ARHGAP6: variants seen among roughly 807,000 people sequenced by gnomAD.
ARHGAP6 encodes Rho GTPase activating protein 6, also known as rho GTPase-activating protein 6.
Under a neutral mutation model 55.7 loss-of-function variants are expected in ARHGAP6, and 16 were observed. The observed-to-expected ratio is 0.29, with a 90% CI of 0.19 to 0.44. ARHGAP6 has a LOEUF of 0.44. Among genes scored for constraint, ARHGAP6 ranks in the 20% least tolerant of loss-of-function variants. The pLI is 1.00. For synonymous variants in ARHGAP6, 382 were observed against 360.9 expected, an observed-to-expected ratio of 1.06 and a Z score of -0.66; for missense variants, 698 against 808.9, an observed-to-expected ratio of 0.86 and a Z score of 1.66.
At chrX:11,649,427 G>A (rs1287444869) in intron 1 of ARHGAP6, among the ~76,000 whole-genome samples, 1 of 111,908 alleles carries the variant, frequency 8.9e-6, no homozygotes, top group African/African-American at 3.2e-5. Flanking sequence ...ACTAAAACAT[G>A]GGTAGATCAT....
At chrX:11,554,804 C>T (rs1001107996) in intron 1 of ARHGAP6, among the ~76,000 whole-genome samples, 1 of 111,933 alleles carries the variant, frequency 8.9e-6, no homozygotes, top group Non-Finnish European at 1.9e-5. Context: ...TATAATCTCT[C>T]CCCCCATAGA....
At chrX:11,463,999 G>T (rs1015920282) in intron 1 of ARHGAP6, among the ~76,000 whole-genome samples, 13 of 112,221 alleles carry the variant, frequency 1.2e-4, no homozygotes, top group African/African-American at 3.9e-4. Context: ...AGGTAAATGT[G>T]AAGTCACTAT....
chrX:11,257,573 G>A (rs2047508366), intron 1 of ARHGAP6, among the ~76,000 whole-genome samples: 1 of 112,246 alleles, frequency 8.9e-6, no homozygotes, highest in Non-Finnish European at 1.9e-5. Context: ...GTAATTCCTA[G>A]AAGGGACATT....
At chrX:11,174,608 CTT>C (rs1205722590) in intron 8 of ARHGAP6, among the ~76,000 whole-genome samples, 3 of 87,751 alleles carry the variant, frequency 3.4e-5, no homozygotes, top group East Asian at 3.5e-4. Flanking sequence ...TTCTTTCTTT[CTT>C]TCTTTCTCTT....
chrX:11,468,785 C>T (rs1791383286), intron 1 of ARHGAP6, among the ~76,000 whole-genome samples: 1 of 112,236 alleles, frequency 8.9e-6, no homozygotes, highest in South Asian at 3.7e-4. Flanking sequence ...GGGAAAGCCA[C>T]AAAAATGTAG....
At chrX:11,146,560 ATATACT>A (rs2045694818) in intron 10 of ARHGAP6, among the ~76,000 whole-genome samples, 1 of 112,857 alleles carries the variant, frequency 8.9e-6, no homozygotes, top group Admixed American at 9.3e-5. Flanking sequence ...AGTTTGGGAA[ATATACT>A]TATGTGAAAT....
At chrX:11,663,281 TATTTC>T (rs1369405968) in intron 1 of ARHGAP6, among the ~76,000 whole-genome samples, 6 of 112,194 alleles carry the variant, frequency 5.3e-5, no homozygotes, top group Admixed American at 3.8e-4. Context: ...AATTACATGG[TATTTC>T]ATTTCATTTC....
intron 1 of ARHGAP6, among the ~76,000 whole-genome samples, chrX:11,514,818 T>C (rs1487190057): frequency 9.5e-6 from 1 of 105,244 alleles, no homozygotes; most frequent in Non-Finnish European, 1.9e-5. Context: ...TATTGCCCTC[T>C]TCACCTTTGT....
chrX:11,311,058 C>T (rs978289077), intron 1 of ARHGAP6, among the ~76,000 whole-genome samples: 7 of 111,449 alleles, frequency 6.3e-5, no homozygotes, highest in African/African-American at 2.3e-4. Context: ...CTGCCTTTTT[C>T]GCAGGGAAAG....
rs567621406 is a variant in ARHGAP6 at position 11,177,412 on chromosome X, A to G, written c.1629+688T>C. ...GGGGCCTGAGTGGGGATCAGATCCA[A>G]CAAGAACATTTCTAAAGAGTCTGTG... On this transcript the variant is annotated intron_variant, in intron 8 of 12. Transcript: ENST00000337414. 3.1e-4 allele frequency among the ~76,000 whole-genome samples: 34 copies of G among 110,688 alleles called. 1 individual carries two copies. The South Asian group carries it at 0.012, about 39-fold the overall frequency.
intron 1 of ARHGAP6, among the ~76,000 whole-genome samples, chrX:11,550,029 T>C (rs2051250595): frequency 9.0e-6 from 1 of 111,720 alleles, no homozygotes. Context: ...ACTTAGAAAA[T>C]GTTGGTTGAA....
chrX:11,181,934 A>G (rs944932851), intron 6 of ARHGAP6, 129 bp downstream of exon 6: 15 of 500,807 alleles, frequency 3.0e-5, no homozygotes, highest in African/African-American at 2.8e-4. Context: ...CAATTATATT[A>G]TAATAGCTTG....
chrX:11,615,356 T>C (rs1016702373), intron 1 of ARHGAP6, among the ~76,000 whole-genome samples: 3 of 112,146 alleles, frequency 2.7e-5, no homozygotes, highest in Admixed American at 9.5e-5. Flanking sequence ...CTCTGAGGGA[T>C]AGAATCTTGT....
chrX:11,218,912 GTT>G lies in ARHGAP6; in HGVS notation c.749-21918_749-21917del, dbSNP rs1298821973. On this transcript the variant is annotated intron_variant, in intron 2 of 12. Transcript: ENST00000337414. ...TGTTTTTTTTTTTATTATACTTTAA[GTT>G]TTAGGGTACATGTGCACATTGTGCA... 6.5e-5 allele frequency among the ~76,000 whole-genome samples: 7 copies of G among 107,492 alleles called. No homozygotes were observed. The East Asian group carries it at 1.5e-3, about 23-fold the overall frequency. The allele number at this position is 107,492 out of a possible 115,157, so 93.3% of individuals were successfully genotyped here.
chrX:11,147,955 C>T (rs1360521181), intron 10 of ARHGAP6, among the ~76,000 whole-genome samples: 1 of 112,040 alleles, frequency 8.9e-6, no homozygotes, highest in Non-Finnish European at 1.9e-5. Context: ...GGCTAAAACC[C>T]ATCATTGTGA....
chrX:11,163,700 T>TAATA (rs1250645468), intron 9 of ARHGAP6, among the ~76,000 whole-genome samples: 5 of 112,135 alleles, frequency 4.5e-5, no homozygotes, highest in African/African-American at 1.6e-4. Flanking sequence ...ACAGGTGGTT[T>TAATA]AATAATTTAA....
intron 2 of ARHGAP6, among the ~76,000 whole-genome samples, chrX:11,231,502 T>A (rs1263471994): frequency 8.9e-6 from 1 of 112,448 alleles, no homozygotes; most frequent in Non-Finnish European, 1.9e-5. Flanking sequence ...TTTGCCTCCC[T>A]GCCTCTTGGA....
chrX:11,498,600 C>T (rs2050646473), intron 1 of ARHGAP6, among the ~76,000 whole-genome samples: 1 of 111,456 alleles, frequency 9.0e-6, no homozygotes, highest in South Asian at 3.8e-4. Flanking sequence ...GCCCTCCCTA[C>T]CATAAGATCT....
chrX:11,646,013 T>C, intron 1 of ARHGAP6, among the ~76,000 whole-genome samples: 1 of 92,140 alleles, frequency 1.1e-5, no homozygotes, highest in Non-Finnish European at 2.2e-5. Flanking sequence ...TGCTGTGAGG[T>C]TTGACTCACA....
Sources: allele counts gnomAD v4.1 joint callset (sites outside exome capture counted in the v4.1 genomes callset), GRCh38; gene constraint gnomAD v4.1.1; transcripts MANE v1.5; gene names NCBI Gene and HGNC (gene_info 2026-07-23, HGNC 2026-07-21).